The following MAP2K4 variants were observed in gnomAD, a reference collection of about 807,000 sequenced individuals.
MAP2K4 encodes the protein mitogen-activated protein kinase kinase 4.
Under a neutral mutation model 48.5 loss-of-function variants are expected in MAP2K4, and 4 were observed. The ratio of observed to expected loss-of-function variants is 0.08; its 90% CI spans 0.04 to 0.19. The LOEUF is 0.19. Among genes scored for constraint, MAP2K4 ranks in the 10% least tolerant of loss-of-function variants. MAP2K4 has a pLI of 1.00. For synonymous variants in MAP2K4, 166 were observed against 173.1 expected (o/e 0.96, Z 0.32); for missense variants, 258 against 493.3 (o/e 0.52, Z 4.52).
At chr17:12,075,228 G>A (rs1970963003) in intron 2 of MAP2K4, among the ~76,000 whole-genome samples, 2 of 152,150 alleles carry the variant, frequency 1.3e-5, no homozygotes, top group South Asian at 4.1e-4. Context: ...GAACAGACTG[G>A]ATGGATACGC....
chr17:12,099,097 G>C (rs1971850931), intron 4 of MAP2K4, among the ~76,000 whole-genome samples: 1 of 151,552 alleles, frequency 6.6e-6, no homozygotes, highest in Admixed American at 6.6e-5. Flanking sequence ...TCCGTATTCT[G>C]TCCATGTGTG....
chr17:12,039,431 G>T (rs968025367), intron 1 of MAP2K4, among the ~76,000 whole-genome samples: 1 of 152,168 alleles, frequency 6.6e-6, no homozygotes, highest in Non-Finnish European at 1.5e-5. Context: ...ATAGAGTAGT[G>T]TAATGAACCC....
chr17:12,101,122 T>C (rs534920186), intron 4 of MAP2K4, among the ~76,000 whole-genome samples: 1 of 152,276 alleles, frequency 6.6e-6, no homozygotes, highest in South Asian at 2.1e-4. Context: ...GTATAAGAGC[T>C]CTTGTCTAAC....
chr17:12,125,980 G>A (rs949434096), intron 8 of MAP2K4, among the ~76,000 whole-genome samples: 4 of 152,036 alleles, frequency 2.6e-5, no homozygotes, highest in Non-Finnish European at 4.4e-5. Context: ...TCCACAGGTC[G>A]TACAGGAGCA....
chr17:12,094,542 A>G (rs1443281260), intron 3 of MAP2K4, among the ~76,000 whole-genome samples: 1 of 152,174 alleles, frequency 6.6e-6, no homozygotes, highest in Non-Finnish European at 1.5e-5. Flanking sequence ...AGTACACACT[A>G]TGTATTGTAC....
intron 1 of MAP2K4, among the ~76,000 whole-genome samples, chr17:12,027,740 G>C (rs1969304357): frequency 6.6e-6 from 1 of 152,144 alleles, no homozygotes; most frequent in South Asian, 2.1e-4. Context: ...GGGGTTGTTA[G>C]AGTCCTCAGG....
intron 7 of MAP2K4, among the ~76,000 whole-genome samples, chr17:12,118,726 A>G (rs1455221385): frequency 1.3e-5 from 2 of 152,254 alleles, no homozygotes; most frequent in Non-Finnish European, 2.9e-5. Flanking sequence ...TGCTAGCAGC[A>G]GTGAACAGAG....
intron 4 of MAP2K4, among the ~76,000 whole-genome samples, chr17:12,097,752 C>G (rs971328330): frequency 6.6e-6 from 1 of 152,206 alleles, no homozygotes. Context: ...AAAAGTTACA[C>G]AGCCAACAAG....
intron 2 of MAP2K4, among the ~76,000 whole-genome samples, chr17:12,077,449 GAT>G (rs1971048551): frequency 6.6e-6 from 1 of 152,206 alleles, no homozygotes; most frequent in South Asian, 2.1e-4. Context: ...GCTTAAACCA[GAT>G]AGTTTATTTC....
At chr17:12,036,902 C>T (rs1432445978) in intron 1 of MAP2K4, among the ~76,000 whole-genome samples, 1 of 125,158 alleles carries the variant, frequency 8.0e-6, no homozygotes, top group Admixed American at 8.6e-5. Flanking sequence ...CCCCCCGCCA[C>T]CTTTTTTTTG....
intron 3 of MAP2K4, among the ~76,000 whole-genome samples, chr17:12,086,899 T>G (rs919910585): frequency 6.6e-6 from 1 of 152,166 alleles, no homozygotes; most frequent in African/African-American, 2.4e-5. Flanking sequence ...CAGGCTGGAG[T>G]GCAGTGGCAC....
At chr17:12,069,629 T>G (rs1970723715) in intron 2 of MAP2K4, 1 of 854,430 alleles carries the variant, frequency 1.2e-6, no homozygotes, top group African/African-American at 1.8e-5. Flanking sequence ...GGACATTTCA[T>G]TTTTCAGTTT....
At chr17:12,075,401 A>G (rs28923170) in intron 2 of MAP2K4, among the ~76,000 whole-genome samples, 25,606 of 152,238 alleles carry the variant, frequency 0.17, 2,530 homozygotes, top group South Asian at 0.3. Flanking sequence ...AAAGCATACA[A>G]ATTACTGAAT....
At chr17:12,038,266 T>G (rs114061547) in intron 1 of MAP2K4, among the ~76,000 whole-genome samples, 241 of 152,242 alleles carry the variant, frequency 1.6e-3, no homozygotes, top group African/African-American at 5.6e-3. Flanking sequence ...AGTAAATATT[T>G]GGATTGTCAC....
intron 2 of MAP2K4, among the ~76,000 whole-genome samples, chr17:12,076,279 CTG>C (rs372806903): frequency 0.16 from 21,728 of 134,996 alleles, 1,609 homozygotes; most frequent in Middle Eastern, 0.24. Flanking sequence ...TGTCACAGTT[CTG>C]TGTGTGTGTG....
At chr17:12,121,044 T>C (rs1014024128) in intron 7 of MAP2K4, among the ~76,000 whole-genome samples, 3 of 152,226 alleles carry the variant, frequency 2.0e-5, no homozygotes, top group African/African-American at 7.2e-5. Context: ...TAATAGCATG[T>C]AAATTCCGAG....
intron 1 of MAP2K4, among the ~76,000 whole-genome samples, chr17:12,044,848 G>T (rs1969909931): frequency 6.6e-6 from 1 of 152,220 alleles, no homozygotes; most frequent in Non-Finnish European, 1.5e-5. Context: ...CTCCTTTGGG[G>T]TTAATTAATT....
At position 12,143,283 on chromosome 17, in the gene MAP2K4, C is replaced by T; in HGVS notation, c.*2023C>T. ...TGGAGATAAAAGCAATTCTGACTGT[C>T]CAGGAGCTAATCTGACCGTTCTATT... On this transcript the variant is annotated 3_prime_UTR_variant, in exon 11 of 11. Coordinates refer to ENST00000353533, the MANE Select transcript of MAP2K4 (RefSeq NM_003010.4). The T allele has an allele frequency of 4.3e-6, 1 of 232,906 alleles. No homozygotes were observed. The highest frequency in any genetic ancestry group is 8.5e-6 in the Non-Finnish European group (1 of 117,548). The allele number at this position is 232,906 out of a possible 1,614,324, so 14.4% of individuals were successfully genotyped here.
intron 5 of MAP2K4, among the ~76,000 whole-genome samples, chr17:12,108,272 C>T (rs986214667): frequency 1.5e-4 from 23 of 152,060 alleles, no homozygotes; most frequent in Non-Finnish European, 2.9e-4. Context: ...CTCCTTGAAG[C>T]CCCATAATTG....
Sources: allele counts gnomAD v4.1 joint callset (sites outside exome capture counted in the v4.1 genomes callset), GRCh38; gene constraint gnomAD v4.1.1; transcripts MANE v1.5; gene names NCBI Gene and HGNC (gene_info 2026-07-23, HGNC 2026-07-21).